Variants in RALYL observed in about 807,000 individuals in gnomAD.
RALYL encodes the protein RALY RNA binding protein like.
A neutral mutation model predicts 35.1 loss-of-function variants in RALYL; 29 were observed. The observed-to-expected ratio is 0.83, with a 90% CI of 0.61 to 1.13. The LOEUF is 1.13. Among genes scored for constraint, RALYL ranks in the 50% most tolerant of loss-of-function variants. The pLI is 0.00. For synonymous variants in RALYL, 120 were observed against 127.6 expected (o/e 0.94, Z 0.40); for missense variants, 359 against 360.4 (o/e 1.00, Z 0.03).
intron 1 of RALYL, among the ~76,000 whole-genome samples, chr8:84,369,779 T>C (rs1052817030): frequency 3.3e-5 from 5 of 152,114 alleles, no homozygotes; most frequent in Admixed American, 1.3e-4. Flanking sequence ...TATAGGAAAG[T>C]GCTCTCCAAT....
At chr8:84,438,476 C>T (rs1035372037) in intron 1 of RALYL, among the ~76,000 whole-genome samples, 2 of 152,120 alleles carry the variant, frequency 1.3e-5, no homozygotes, top group Non-Finnish European at 2.9e-5. Context: ...GCAACCTCCA[C>T]CTCCTGGGCT....
intron 2 of RALYL, among the ~76,000 whole-genome samples, chr8:84,585,203 C>T (rs939138232): frequency 9.9e-5 from 15 of 151,994 alleles, no homozygotes; most frequent in African/African-American, 3.6e-4. Flanking sequence ...AGGTATTGAT[C>T]TATATGCCAT....
intron 2 of RALYL, among the ~76,000 whole-genome samples, chr8:84,649,981 T>C (rs966585005): frequency 2.0e-4 from 31 of 152,156 alleles, no homozygotes; most frequent in Non-Finnish European, 7.3e-5. Context: ...TAGTTCTCCT[T>C]GAAGAGGTCC....
intron 2 of RALYL, among the ~76,000 whole-genome samples, chr8:84,755,494 A>C (rs1245815455): frequency 6.6e-6 from 1 of 152,172 alleles, no homozygotes; most frequent in African/African-American, 2.4e-5. Context: ...ACCATAAATA[A>C]ACTGGACTTC....
chr8:84,603,251 C>T (rs968200628), intron 2 of RALYL, among the ~76,000 whole-genome samples: 5 of 151,914 alleles, frequency 3.3e-5, no homozygotes, highest in Admixed American at 1.3e-4. Context: ...ATTCTTAATT[C>T]CCCCAAAACA....
At chr8:84,441,095 A>AT (rs1284626635) in intron 1 of RALYL, among the ~76,000 whole-genome samples, 4 of 151,990 alleles carry the variant, frequency 2.6e-5, no homozygotes, top group East Asian at 3.9e-4. Flanking sequence ...GTAGTGGTGT[A>AT]TTTTTTTAAT....
chr8:84,419,204 T>C (rs1396636723), intron 1 of RALYL, among the ~76,000 whole-genome samples: 3 of 152,188 alleles, frequency 2.0e-5, no homozygotes, highest in African/African-American at 7.2e-5. Flanking sequence ...TCTCCTTGTA[T>C]ATTCACAGAG....
intron 1 of RALYL, among the ~76,000 whole-genome samples, chr8:84,353,406 C>T (rs1029301188): frequency 6.7e-6 from 1 of 150,320 alleles, no homozygotes; most frequent in Non-Finnish European, 1.5e-5. Context: ...CACAGATCAC[C>T]TGCCACAGCA....
chr8:84,382,305 C>A (rs1029393159), intron 1 of RALYL, among the ~76,000 whole-genome samples: 99 of 148,506 alleles, frequency 6.7e-4, no homozygotes, highest in African/African-American at 2.4e-3. Context: ...AAATAGTTAT[C>A]TTTAAGATTG....
intron 1 of RALYL, among the ~76,000 whole-genome samples, chr8:84,243,081 A>G (rs976769525): frequency 6.6e-6 from 1 of 152,200 alleles, no homozygotes; most frequent in Non-Finnish European, 1.5e-5. Context: ...TCCCAGCACC[A>G]TATATTAAAC....
At chr8:84,577,057 G>T (rs1278482281) in intron 2 of RALYL, among the ~76,000 whole-genome samples, 1 of 152,212 alleles carries the variant, frequency 6.6e-6, no homozygotes, top group Non-Finnish European at 1.5e-5. Context: ...TTTCCCAGAA[G>T]TGATACCAAC....
chr8:84,363,887 T>G (rs1263963479), intron 1 of RALYL, among the ~76,000 whole-genome samples: 1 of 152,174 alleles, frequency 6.6e-6, no homozygotes, highest in Non-Finnish European at 1.5e-5. Context: ...GTAAAAGCAG[T>G]CATTCCCTTA....
intron 1 of RALYL, among the ~76,000 whole-genome samples, chr8:84,351,113 A>G (rs1456112323): frequency 2.7e-5 from 4 of 150,212 alleles, no homozygotes. Flanking sequence ...TTAAATATCA[A>G]TATCGAACAG....
intron 1 of RALYL, among the ~76,000 whole-genome samples, chr8:84,219,883 T>TAGA: frequency 7.5e-6 from 1 of 132,936 alleles, no homozygotes. Context: ...AGATAGATAG[T>TAGA]TAGAAATGAA....
chr8:84,886,788 G>C (rs1181902957), intron 7 of RALYL, among the ~76,000 whole-genome samples: 1 of 152,196 alleles, frequency 6.6e-6, no homozygotes, highest in African/African-American at 2.4e-5. Flanking sequence ...GTAATGTGGA[G>C]TGTAGCTTCA....
At chr8:84,834,984 G>C (rs1179675023) in intron 4 of RALYL, among the ~76,000 whole-genome samples, 1 of 152,138 alleles carries the variant, frequency 6.6e-6, no homozygotes, top group Non-Finnish European at 1.5e-5. Context: ...TTAAGAAGCT[G>C]TAAGAATGAG....
At chr8:84,309,735 G>C (rs1305874156) in intron 1 of RALYL, among the ~76,000 whole-genome samples, 1 of 152,066 alleles carries the variant, frequency 6.6e-6, no homozygotes. Flanking sequence ...AAAATAAAAA[G>C]CAAAACAGTA....
intron 2 of RALYL, among the ~76,000 whole-genome samples, chr8:84,621,368 G>A (rs1428076973): frequency 3.3e-5 from 5 of 152,110 alleles, no homozygotes; most frequent in South Asian, 2.1e-4. Flanking sequence ...TCCAGGTGCC[G>A]GCTGTCCCCC....
chr8:84,202,703 A>T (rs1336573506), intron 1 of RALYL, among the ~76,000 whole-genome samples: 1 of 152,060 alleles, frequency 6.6e-6, no homozygotes, highest in Non-Finnish European at 1.5e-5. Flanking sequence ...ATTTTTATGT[A>T]TCTTTCATGG....
Sources: gnomAD v4.1 joint callset for allele counts (sites outside exome capture counted in the v4.1 genomes callset) on GRCh38, gnomAD v4.1.1 for gene constraint, MANE v1.5 for transcripts, NCBI Gene and HGNC (gene_info 2026-07-23, HGNC 2026-07-21) for gene names.